Variants in NCKAP5 observed in about 807,000 individuals in gnomAD.
The protein encoded by NCKAP5 is NCK associated protein 5.
In NCKAP5, 92 loss-of-function variants were observed where a neutral mutation model predicts 167.0. The ratio of observed to expected loss-of-function variants is 0.55; its 90% CI spans 0.47 to 0.66. The LOEUF is 0.66. Ranked by LOEUF, NCKAP5 falls within the 30% of genes least tolerant of loss-of-function variation. The pLI, the probability that NCKAP5 is intolerant of heterozygous loss-of-function variation, is 0.00. For synonymous variants in NCKAP5, 891 were observed against 877.4 expected (o/e 1.02, Z -0.27); for missense variants, 2,378 against 2,315.0 (o/e 1.03, Z -0.56).
At chr2:133,309,002 G>A (rs905992344) in intron 3 of NCKAP5, among the ~76,000 whole-genome samples, 6 of 151,782 alleles carry the variant, frequency 4.0e-5, no homozygotes, top group South Asian at 2.1e-4. Flanking sequence ...GAGCCACCGC[G>A]CCCGGCCGAA....
the NCKAP5 span, among the ~76,000 whole-genome samples, chr2:133,616,812 A>C: frequency 2.0e-5 from 3 of 152,310 alleles, no homozygotes; most frequent in East Asian, 3.9e-4. Flanking sequence ...TGAGGCCAGC[A>C]TCATCCTGAT....
rs567947216 is a variant in NCKAP5, at chr2:132,755,698, G to A, written c.5128+18118C>T. 1.5e-4 allele frequency among the ~76,000 whole-genome samples: 22 copies of A among 151,534 alleles called. No individual in the cohort carries two copies. The South Asian group carries it at 1.7e-3, about 12-fold the overall frequency. The stretch of plus-strand genomic sequence containing the variant: ...ACAAAAATTAGCTGGGCATGGTGGC[G>A]CGCGCCTGTAATCCCAGCTACTCAG... On this transcript the variant is annotated intron_variant, in intron 16 of 19. Coordinates refer to ENST00000409261, the MANE Select transcript of NCKAP5 (RefSeq NM_207363.3).
At chr2:133,422,657 A>C (rs1353361501) in intron 3 of NCKAP5, among the ~76,000 whole-genome samples, 2 of 152,198 alleles carry the variant, frequency 1.3e-5, no homozygotes, top group African/African-American at 4.8e-5. Flanking sequence ...TAATCTCTCT[A>C]TGACTTTTCT....
intron 6 of NCKAP5, among the ~76,000 whole-genome samples, chr2:133,069,820 A>G (rs943399143): frequency 3.3e-5 from 5 of 152,052 alleles, no homozygotes; most frequent in African/African-American, 1.2e-4. Flanking sequence ...AAAAAACCTC[A>G]GTGCCTTATA....
At chr2:133,527,390 A>C (rs979063055) in intron 2 of NCKAP5, among the ~76,000 whole-genome samples, 13 of 152,160 alleles carry the variant, frequency 8.5e-5, no homozygotes, top group Non-Finnish European at 1.5e-4. Context: ...ATTTTTGCTA[A>C]GGCCCTAGCT....
At chr2:132,939,579 T>C (rs2149093564) in intron 8 of NCKAP5, among the ~76,000 whole-genome samples, 1 of 152,316 alleles carries the variant, frequency 6.6e-6, no homozygotes, top group Non-Finnish European at 1.5e-5. Context: ...TTTTATTTTT[T>C]CTCAGTTTTT....
chr2:133,160,418 T>TC (rs1394985211), intron 5 of NCKAP5, among the ~76,000 whole-genome samples: 1 of 139,688 alleles, frequency 7.2e-6, no homozygotes, highest in Non-Finnish European at 1.5e-5. Context: ...CTTTTTTTTT[T>TC]TTTTCTTTTC....
intron 19 of NCKAP5, among the ~76,000 whole-genome samples, chr2:132,699,493 C>T (rs1056225884): frequency 7.9e-5 from 12 of 152,046 alleles, no homozygotes; most frequent in East Asian, 1.9e-4. Flanking sequence ...CCCCTCCCCA[C>T]GACAGGCCCT....
chr2:133,452,662 C>T (rs779020138), intron 3 of NCKAP5, among the ~76,000 whole-genome samples: 2 of 152,164 alleles, frequency 1.3e-5, no homozygotes, highest in Non-Finnish European at 2.9e-5. Flanking sequence ...GAAAGGCTCT[C>T]AGAAGCAGCA....
chr2:133,212,484 C>G (rs889586926), intron 5 of NCKAP5, among the ~76,000 whole-genome samples: 15 of 152,154 alleles, frequency 9.9e-5, no homozygotes, highest in African/African-American at 3.4e-4. Context: ...TCTCATGCCT[C>G]AGCTTCCTGA....
intron 16 of NCKAP5, among the ~76,000 whole-genome samples, chr2:132,733,735 C>T (rs1222844138): frequency 6.6e-6 from 1 of 152,192 alleles, no homozygotes; most frequent in East Asian, 1.9e-4. Context: ...TTTGCCCATT[C>T]CCCTACCTTC....
intron 10 of NCKAP5, among the ~76,000 whole-genome samples, chr2:132,861,107 A>C (rs947154369): frequency 6.6e-6 from 1 of 152,166 alleles, no homozygotes; most frequent in South Asian, 2.1e-4. Context: ...TGATGCATTT[A>C]GCGGGAGAGA....
At chr2:133,486,836 C>T (rs1680949227) in intron 3 of NCKAP5, among the ~76,000 whole-genome samples, 1 of 152,170 alleles carries the variant, frequency 6.6e-6, no homozygotes, top group South Asian at 2.1e-4. Context: ...CATTGATGGA[C>T]ACCAGTTCAT....
At chr2:133,646,861 T>C in the NCKAP5 span, among the ~76,000 whole-genome samples, 8 of 152,158 alleles carry the variant, frequency 5.3e-5, no homozygotes, top group Admixed American at 4.6e-4. Context: ...GAAGTCAAAG[T>C]ACAGACTTTT....
At chr2:132,974,582 C>T (rs1010830488) in intron 7 of NCKAP5, among the ~76,000 whole-genome samples, 15 of 152,260 alleles carry the variant, frequency 9.9e-5, no homozygotes, top group South Asian at 2.1e-4. Flanking sequence ...AATACAGTTC[C>T]GATTTTGGAC....
chr2:133,075,098 A>C (rs959850505), intron 6 of NCKAP5, among the ~76,000 whole-genome samples: 1 of 152,190 alleles, frequency 6.6e-6, no homozygotes, highest in Non-Finnish European at 1.5e-5. Context: ...ACAGGAAAAA[A>C]ATTGAAATCA....
At position 132,682,587 on chromosome 2, in the gene NCKAP5, C is replaced by T. The variant is rs1009386477; in HGVS notation, c.5714-9282G>A. Among the ~76,000 whole-genome samples the T allele has an allele frequency of 5.9e-5, 9 of 152,136 alleles. No individual in the cohort carries two copies. In the South Asian group the frequency reaches 1.9e-3, roughly 31 times the overall value. On this transcript the variant is annotated intron_variant, in intron 19 of 19. Coordinates refer to ENST00000409261, the MANE Select transcript of NCKAP5 (RefSeq NM_207363.3). ...CCAGAAAGTGAGTCCCTGAAAATTG[C>T]TTTGTTGAGTTAGAATCATCTACCC...
the NCKAP5 span, among the ~76,000 whole-genome samples, chr2:133,576,035 TA>T: frequency 6.6e-6 from 1 of 152,224 alleles, no homozygotes; most frequent in African/African-American, 2.4e-5. Flanking sequence ...TAAACAGGTT[TA>T]TTCCAACTGG....
chr2:133,166,305 T>G, intron 5 of NCKAP5, among the ~76,000 whole-genome samples: 1 of 152,268 alleles, frequency 6.6e-6, no homozygotes, highest in East Asian at 1.9e-4. Flanking sequence ...TCATACTTTA[T>G]AGAGATGCAA....
Sources: gnomAD v4.1 joint callset for allele counts (sites outside exome capture counted in the v4.1 genomes callset) on GRCh38, gnomAD v4.1.1 for gene constraint, MANE v1.5 for transcripts, NCBI Gene and HGNC (gene_info 2026-07-23, HGNC 2026-07-21) for gene names.